The following TMEM138 variants were observed in gnomAD, a reference collection of about 807,000 sequenced individuals.
TMEM138 encodes the protein transmembrane protein 138.
TMEM138 carries 9 observed loss-of-function variants against 18.1 expected under a neutral mutation model. The observed-to-expected ratio is 0.50, with a 90% confidence interval of 0.30 to 0.87. The LOEUF (loss-of-function observed/expected upper bound fraction) is 0.87, where lower values mean the gene tolerates loss of function less well. TMEM138 is among the 40% of genes least tolerant of loss of function. The probability of loss-of-function intolerance (pLI) is 0.06; values close to 1 mark genes in which losing one functional copy is unlikely to be tolerated. For synonymous variants in TMEM138, 79 were observed against 74.8 expected (o/e 1.06, Z -0.29); for missense variants, 189 against 190.6 (o/e 0.99, Z 0.05).
downstream of TMEM138, among the ~76,000 whole-genome samples, chr11:61,372,578 C>T (rs907443131): frequency 3.3e-5 from 5 of 151,054 alleles, no homozygotes; most frequent in Non-Finnish European, 7.4e-5. Flanking sequence ...GTCAGGAGAT[C>T]GAGACCATCC....
At position 61,368,636 on chromosome 11, in the gene TMEM138, T is replaced by A; in HGVS notation, c.416T>A (p.Val139Glu). ...TGCTACTTCTATAAACGGACAGCCG[T>A]AAGACTAGGCGATCCTCACTTCTAC... Reference protein sequence around the residue: ...LYCYFYKRTAVRLGDPHFYQD... With the variant: ...LYCYFYKRTAERLGDPHFYQD... The change falls in exon 5 of 5, where the codon GTA (valine) becomes GAA (glutamate). Residue 139 changes from valine to glutamate, a missense_variant. Transcript: ENST00000278826. The A allele has an allele frequency of 6.2e-7, 1 of 1,614,108 alleles. No homozygotes were observed. The highest frequency in any genetic ancestry group is 8.5e-7 in the Non-Finnish European group (1 of 1,180,020).
At chr11:61,374,955 CAA>C (rs1413471102), downstream of TMEM138, among the ~76,000 whole-genome samples, 2 of 152,030 alleles carry the variant, frequency 1.3e-5, no homozygotes, top group African/African-American at 2.4e-5. Context: ...GACTCCATCT[CAA>C]AAACAAACAA....
chr11:61,372,174 T>G (rs1169018717), downstream of TMEM138, among the ~76,000 whole-genome samples: 2 of 24,782 alleles, frequency 8.1e-5, no homozygotes, highest in African/African-American at 2.8e-4. Context: ...AGACTCTGTC[T>G]CAGAAAAAAA....
downstream of TMEM138, among the ~76,000 whole-genome samples, chr11:61,374,463 A>C (rs923752378): frequency 6.6e-6 from 1 of 152,126 alleles, no homozygotes; most frequent in Admixed American, 6.6e-5. Flanking sequence ...GGAAACTCCT[A>C]TAATTCTGAT....
At chr11:61,370,599 CAG>C (rs1197131610), downstream of TMEM138, among the ~76,000 whole-genome samples, 1 of 152,170 alleles carries the variant, frequency 6.6e-6, no homozygotes, top group African/African-American at 2.4e-5. Context: ...GGCATGGATA[CAG>C]AGAGAGTAAA....
downstream of TMEM138, among the ~76,000 whole-genome samples, chr11:61,369,832 G>A (rs1207448303): frequency 6.6e-6 from 1 of 152,148 alleles, no homozygotes; most frequent in African/African-American, 2.4e-5. Context: ...CTGCTCACAC[G>A]CCAGTGGCAG....
downstream of TMEM138, among the ~76,000 whole-genome samples, chr11:61,370,396 A>G (rs1183968597): frequency 6.6e-6 from 1 of 152,218 alleles, no homozygotes; most frequent in Non-Finnish European, 1.5e-5. Context: ...TTGTGAGAGC[A>G]CAGAAGATGA....
At chr11:61,367,027 C>A (rs1309790595) in intron 3 of TMEM138, 2 of 152,216 alleles carry the variant, frequency 1.3e-5, no homozygotes, top group Non-Finnish European at 2.9e-5. Context: ...TCATCATTAG[C>A]TATTTGGGCA....
In TMEM138 at chr11:61,364,400, A is replaced by G; in HGVS notation, c.10A>G (p.Thr4Ala). The G allele has an allele frequency of 6.2e-7, 1 of 1,614,110 alleles. No homozygotes were observed. The change falls in exon 2 of 5, where the codon ACC becomes GCC. Residue 4 changes from threonine (T) to alanine (A), a missense_variant. By Grantham distance (58) the Thr-to-Ala change is moderately conservative. Transcript: ENST00000278826. The stretch of plus-strand genomic sequence containing the variant: ...AGAAAACAGAAGGAAGATGCTCCAG[A>G]CCAGTAACTACAGCCTGGTGCTCTC... MLQ[T>A]SNYSLVLSLQ...
At chr11:61,372,441 G>C (rs1440627909), downstream of TMEM138, among the ~76,000 whole-genome samples, 1 of 148,824 alleles carries the variant, frequency 6.7e-6, no homozygotes, top group Non-Finnish European at 1.5e-5. Flanking sequence ...TGCTGGGATT[G>C]CAGGCGTGCA....
chr11:61,363,554 A>C (rs1365554632), intron 1 of TMEM138: 1 of 152,220 alleles, frequency 6.6e-6, no homozygotes, highest in African/African-American at 2.4e-5. Flanking sequence ...GGGTCTTGGA[A>C]TAGATGAAAA....
chr11:61,370,521 G>C (rs1858313610), downstream of TMEM138, among the ~76,000 whole-genome samples: 1 of 152,176 alleles, frequency 6.6e-6, no homozygotes, highest in Non-Finnish European at 1.5e-5. Flanking sequence ...ATGCTGTAGT[G>C]GGGGTGAGCT....
At chr11:61,367,807 AAGG>A in intron 3 of TMEM138, 113 bp from the exon 4 acceptor site, 2 of 705,070 alleles carry the variant, frequency 2.8e-6, no homozygotes, top group East Asian at 2.5e-5. Flanking sequence ...GGGTTGTAGA[AAGG>A]AGGAAGAGGT....
chr11:61,373,278 G>A (rs1376550591), downstream of TMEM138, among the ~76,000 whole-genome samples: 1 of 152,184 alleles, frequency 6.6e-6, no homozygotes, highest in African/African-American at 2.4e-5. Context: ...AATAAGTTCA[G>A]TTTCCCTATA....
At chr11:61,367,726 C>T in intron 3 of TMEM138, 197 bp from the exon 4 acceptor site, 1 of 587,168 alleles carries the variant, frequency 1.7e-6, no homozygotes, top group South Asian at 2.1e-5. Flanking sequence ...TACTTCCTCC[C>T]TCAAAGTTAA....
At chr11:61,374,255 C>A (rs748627440), downstream of TMEM138, among the ~76,000 whole-genome samples, 9 of 147,878 alleles carry the variant, frequency 6.1e-5, no homozygotes, top group Admixed American at 2.8e-4. Context: ...TCAAGCAATT[C>A]TCCTGCATCA....
chr11:61,364,267 C>T lies in TMEM138; in HGVS notation c.-124C>T, dbSNP rs917456722. 1.4e-5 allele frequency: 17 copies of T among 1,233,638 alleles called. No individual in the cohort carries two copies. The highest frequency in any genetic ancestry group is 1.8e-5 in the Non-Finnish European group (16 of 883,930). The allele number at this position is 1,233,638 out of a possible 1,614,324, so 76.4% of individuals were successfully genotyped here. ...GCTCCAACAGGTGCTTGCCTTAGAG[C>T]AAGGGAAACAGCTCTCATTCAAAGG... On this transcript the variant is annotated 5_prime_UTR_variant, in exon 2 of 5. Transcript: ENST00000278826.
At chr11:61,375,535 C>G (rs145023457), downstream of TMEM138, among the ~76,000 whole-genome samples, 912 of 152,068 alleles carry the variant, frequency 6.0e-3, 14 homozygotes, top group African/African-American at 0.021. Context: ...GTTGGCCAGG[C>G]TGGTCTCAAA....
chr11:61,370,355 GA>G (rs760396219), downstream of TMEM138, among the ~76,000 whole-genome samples: 10 of 152,304 alleles, frequency 6.6e-5, 1 homozygote, highest in Middle Eastern at 0.014. Flanking sequence ...CCAGTTCCTG[GA>G]ATTCTTTAAG....
Sources: gnomAD v4.1 joint callset for allele counts (sites outside exome capture counted in the v4.1 genomes callset) on GRCh38, gnomAD v4.1.1 for gene constraint, MANE v1.5 for transcripts, NCBI Gene and HGNC (gene_info 2026-07-23, HGNC 2026-07-21) for gene names.